Variants in ERCC6 observed in about 807,000 individuals in gnomAD.
The protein encoded by ERCC6 is ERCC excision repair 6, chromatin remodeling factor.
In ERCC6, 116 loss-of-function variants were observed where a neutral mutation model predicts 158.7. That is an observed-to-expected ratio of 0.73 (90% confidence interval 0.63 to 0.85). ERCC6 has a LOEUF of 0.85. Ranked by LOEUF, ERCC6 falls within the 40% of genes least tolerant of loss-of-function variation. ERCC6 has a pLI of 0.00. For synonymous variants in ERCC6, 678 were observed against 659.3 expected (o/e 1.03, Z -0.43); for missense variants, 1,698 against 1,799.4 (o/e 0.94, Z 1.02).
At chr10:49,481,649 T>C (rs897980693) in intron 10 of ERCC6, among the ~76,000 whole-genome samples, 2 of 152,168 alleles carry the variant, frequency 1.3e-5, no homozygotes, top group African/African-American at 4.8e-5. Context: ...AACCACCCTA[T>C]GGCTAACTTC....
chr10:49,438,222 G>A, the ERCC6 span, among the ~76,000 whole-genome samples: 3 of 152,064 alleles, frequency 2.0e-5, no homozygotes, highest in Non-Finnish European at 4.4e-5. Context: ...TAGAAGGGGA[G>A]TATATTAGTC....
Position 49,461,524 on chromosome 10 carries a change from T to C in ERCC6, c.3811A>G (p.Ile1271Val), listed in dbSNP as rs369634749. The C allele has an allele frequency of 3.0e-5, 48 of 1,613,988 alleles. No individual in the cohort carries two copies. The highest frequency in any genetic ancestry group is 3.8e-5 in the Non-Finnish European group (45 of 1,180,006). Reference protein sequence around the residue: ...GVHSVMKHDAIMDGASPDYVL... With the variant: ...GVHSVMKHDAVMDGASPDYVL... The stretch of plus-strand genomic sequence containing the variant: ...TAATCTGGGCTGGCTCCATCCATGA[T>C]GGCATCGTGCTTCATGACACTGTGC... Residue 1271 changes from isoleucine (I) to valine (V), a missense_variant, in exon 19 of 21, where the codon ATC becomes GTC. Physicochemically the swap from Ile to Val is conservative, Grantham distance 29 (BLOSUM62 3). Transcript: ENST00000355832.
At chr10:49,462,820 C>T (rs1197612731) in intron 18 of ERCC6, among the ~76,000 whole-genome samples, 1 of 152,222 alleles carries the variant, frequency 6.6e-6, no homozygotes, top group Non-Finnish European at 1.5e-5. Context: ...TGTAACACCA[C>T]ACTCTTGACA....
At chr10:49,499,215 C>T (rs1397602973) in intron 7 of ERCC6, among the ~76,000 whole-genome samples, 1 of 152,156 alleles carries the variant, frequency 6.6e-6, no homozygotes. Flanking sequence ...AACAACAACA[C>T]GATGTTTAGC....
chr10:49,477,825 C>T (rs1301833406), intron 11 of ERCC6, among the ~76,000 whole-genome samples: 1 of 152,220 alleles, frequency 6.6e-6, no homozygotes, highest in Non-Finnish European at 1.5e-5. Flanking sequence ...GCTCAGGTGT[C>T]AGTTCATCAA....
intron 1 of ERCC6, among the ~76,000 whole-genome samples, chr10:49,538,727 T>C (rs2132651035): frequency 6.6e-6 from 1 of 152,218 alleles, no homozygotes; most frequent in African/African-American, 2.4e-5. Flanking sequence ...GCTGGGTCGC[T>C]GGCCGGCCAG....
At chr10:49,482,295 G>A (rs1850993250) in intron 10 of ERCC6, among the ~76,000 whole-genome samples, 1 of 152,106 alleles carries the variant, frequency 6.6e-6, no homozygotes, top group African/African-American at 2.4e-5. Context: ...TACTTTATAA[G>A]ATGCACTACC....
At chr10:49,439,438 G>A in the ERCC6 span, among the ~76,000 whole-genome samples, 5 of 152,316 alleles carry the variant, frequency 3.3e-5, no homozygotes, top group Non-Finnish European at 5.9e-5. Flanking sequence ...CACCAAGTCC[G>A]TAGGCTGCAC....
intron 8 of ERCC6, among the ~76,000 whole-genome samples, chr10:49,490,561 G>T (rs1851156028): frequency 6.6e-6 from 1 of 151,966 alleles, no homozygotes; most frequent in Non-Finnish European, 1.5e-5. Flanking sequence ...CACCACATTG[G>T]CCAGGCTGGT....
At chr10:49,493,747 C>T (rs889712083) in intron 7 of ERCC6, among the ~76,000 whole-genome samples, 53 of 152,300 alleles carry the variant, frequency 3.5e-4, no homozygotes, top group African/African-American at 9.6e-4. Context: ...GCTCATAAGG[C>T]TGGCATGGCC....
rs1272962297 is a variant in ERCC6, at chr10:49,528,519, G to A, written c.550C>T (p.Gln184Ter). Reference protein sequence around the residue: ...VKRQKYNKEQQLKKITAKQKH... With the variant: ...VKRQKYNKEQ ...TGTTTTGCAGTGATCTTTTTTAGCT[G>A]TTGTTCCTTGAATGGTAAATATAGA... Residue 184 changes from glutamine to a stop codon, truncating the protein, a stop_gained, in exon 4 of 21, where the codon CAG (glutamine) becomes TAG (stop). Transcript: ENST00000355832. LOFTEE classifies it high-confidence loss of function. 5.6e-6 allele frequency: 9 copies of A among 1,614,114 alleles called. No homozygotes were observed. The highest frequency in any genetic ancestry group is 7.6e-6 in the Non-Finnish European group (9 of 1,180,008).
intron 5 of ERCC6, among the ~76,000 whole-genome samples, chr10:49,519,539 T>C (rs544819422): frequency 1.3e-5 from 2 of 152,314 alleles, no homozygotes; most frequent in South Asian, 4.1e-4. Context: ...GCTATGCATT[T>C]AGCAGCTTAG....
the ERCC6 span, among the ~76,000 whole-genome samples, chr10:49,443,660 G>C: frequency 1.3e-5 from 2 of 152,108 alleles, no homozygotes; most frequent in Admixed American, 6.5e-5. Context: ...GTCCTATAGG[G>C]GTGTACCATT....
At chr10:49,450,781 T>C (rs997319178), downstream of ERCC6, among the ~76,000 whole-genome samples, 40 of 152,070 alleles carry the variant, frequency 2.6e-4, no homozygotes, top group African/African-American at 9.7e-4. Flanking sequence ...CTTAATTTCA[T>C]TTTTGATTAT....
At chr10:49,514,242 C>A (rs1836885344) in intron 5 of ERCC6, among the ~76,000 whole-genome samples, 1 of 152,168 alleles carries the variant, frequency 6.6e-6, no homozygotes, top group African/African-American at 2.4e-5. Flanking sequence ...TCAAAACTCA[C>A]TCTTCACTAC....
At chr10:49,525,513 A>G (rs557300388) in intron 4 of ERCC6, among the ~76,000 whole-genome samples, 1 of 152,340 alleles carries the variant, frequency 6.6e-6, no homozygotes, top group African/African-American at 2.4e-5. Context: ...AAGTCACCAG[A>G]AAGTATCCCT....
chr10:49,514,375 G>T (rs1590452073), intron 5 of ERCC6, among the ~76,000 whole-genome samples: 1 of 152,112 alleles, frequency 6.6e-6, no homozygotes, highest in African/African-American at 2.4e-5. Context: ...GTACACAACT[G>T]CCCATACCAA....
chr10:49,526,088 T>C (rs114028287), intron 4 of ERCC6, among the ~76,000 whole-genome samples: 1,614 of 104,686 alleles, frequency 0.015, 41 homozygotes, highest in African/African-American at 0.056. Context: ...GTTTTATTTA[T>C]ATTTATATAT....
chr10:49,489,244 A>G (rs1309938984), intron 8 of ERCC6, among the ~76,000 whole-genome samples: 10 of 152,224 alleles, frequency 6.6e-5, no homozygotes. Context: ...TGAGTCAATC[A>G]GCAATGCCTC....
Sources: allele counts gnomAD v4.1 joint callset (sites outside exome capture counted in the v4.1 genomes callset), GRCh38; gene constraint gnomAD v4.1.1; transcripts MANE v1.5; gene names NCBI Gene and HGNC (gene_info 2026-07-23, HGNC 2026-07-21).